The following ARL5A variants were observed in gnomAD, a reference collection of about 807,000 sequenced individuals.
ARL5A encodes the protein ARF like GTPase 5A, also known as ADP-ribosylation factor-like protein 5A.
ARL5A carries 18 observed loss-of-function variants against 25.9 expected under a neutral mutation model. That is an observed-to-expected ratio of 0.69 (90% confidence interval 0.48 to 1.03). The LOEUF (loss-of-function observed/expected upper bound fraction) is 1.03, where lower values mean the gene tolerates loss of function less well. Ranked by LOEUF, ARL5A falls within the 50% of genes least tolerant of loss-of-function variation. The pLI is 0.00. For missense variants in ARL5A, 170 were observed against 211.9 expected, an observed-to-expected ratio of 0.80 and a Z score of 1.23; for synonymous variants, 61 against 67.5, an observed-to-expected ratio of 0.90 and a Z score of 0.47.
Position 151,828,191 on chromosome 2 carries a change from C to CT in ARL5A, c.-16_-15insA. On this transcript the variant is annotated 5_prime_UTR_variant, in exon 1 of 6. Transcript: ENST00000295087. ...AGAATTCCCATTCTCGGGCAGCGGA[C>CT]CCCCCCCCTCCAGACACCCGGGCCG... 7.3e-7 allele frequency: 1 copy of CT among 1,370,582 alleles called. No homozygotes were observed. The highest frequency in any genetic ancestry group is 1.2e-5 in the South Asian group (1 of 80,036). The allele number at this position is 1,370,582 out of a possible 1,614,324, so 84.9% of individuals were successfully genotyped here.
rs1180438508 is a variant in ARL5A at position 151,799,307 on chromosome 2, T to G, written c.*3969A>C. The G allele has an allele frequency of 6.6e-6, 1 of 152,206 alleles. No homozygotes were observed. Among genetic ancestry groups the G allele is most frequent in the Non-Finnish European group, 1.5e-5 (1 of 68,038 alleles). 9.4% of individuals were successfully genotyped at this position (152,206 alleles called of 1,614,324 possible). On this transcript the variant is annotated 3_prime_UTR_variant, in exon 6 of 6. Transcript: ENST00000295087. ...TTTTTAAGGATAGGCTTTTCATTAC[T>G]AACTCCTTTAGACATCTAATGTTTA... is the stretch of plus-strand genomic sequence containing the variant.
chr2:151,828,085 G>A, intron 1 of ARL5A, 46 bp downstream of exon 1: 6 of 1,593,628 alleles, frequency 3.8e-6, no homozygotes, highest in Non-Finnish European at 5.1e-6. Context: ...GCCGGCCCGA[G>A]CTGACCCTCT....
Position 151,800,454 on chromosome 2 carries a change from A to C in ARL5A, c.*2822T>G, listed in dbSNP as rs960196386. Reference sequence around the variant, plus strand: ...ACTCTTCTTCCCTCTATTTCATCCCATGCTTCTAAAGTCACTTTCACTGCC... The same window carrying C: ...ACTCTTCTTCCCTCTATTTCATCCCCTGCTTCTAAAGTCACTTTCACTGCC... On this transcript the variant is annotated 3_prime_UTR_variant, in exon 6 of 6. Coordinates refer to ENST00000295087, the MANE Select transcript of ARL5A (RefSeq NM_012097.4). 1 of 152,212 alleles carries C rather than the reference A, an allele frequency of 6.6e-6. No homozygotes were observed. The highest frequency in any genetic ancestry group is 2.4e-5 in the African/African-American group (1 of 41,452). 9.4% of individuals were successfully genotyped at this position (152,212 alleles called of 1,614,324 possible).
intron 3 of ARL5A, among the ~76,000 whole-genome samples, chr2:151,812,881 A>T (rs1172020011): frequency 2.6e-5 from 4 of 151,758 alleles, no homozygotes; most frequent in African/African-American, 9.7e-5. Context: ...GAAATCAATT[A>T]AAAAAAAATT....
intron 4 of ARL5A, among the ~76,000 whole-genome samples, chr2:151,808,989 A>T (rs1282572354): frequency 6.6e-6 from 1 of 152,216 alleles, no homozygotes; most frequent in Non-Finnish European, 1.5e-5. Context: ...TGGAGGTTGC[A>T]GCGAGCAAAG....
intron 1 of ARL5A, chr2:151,827,534 TAAAAC>T (rs1271779680): frequency 6.6e-6 from 1 of 152,020 alleles, no homozygotes; most frequent in Non-Finnish European, 1.5e-5. Context: ...ATATAATAAG[TAAAAC>T]AAATGGAGAG....
At chr2:151,825,616 G>A (rs1477331174) in intron 1 of ARL5A, among the ~76,000 whole-genome samples, 1 of 152,162 alleles carries the variant, frequency 6.6e-6, no homozygotes, top group African/African-American at 2.4e-5. Flanking sequence ...CACTCAATCT[G>A]AGCTTTAACT....
intron 4 of ARL5A, among the ~76,000 whole-genome samples, chr2:151,808,169 C>T (rs865943055): frequency 6.6e-6 from 1 of 152,262 alleles, no homozygotes; most frequent in Admixed American, 6.5e-5. Flanking sequence ...GAAGGATGTA[C>T]TCAATTAGCA....
intron 1 of ARL5A, among the ~76,000 whole-genome samples, chr2:151,825,847 G>A (rs1317828930): frequency 5.9e-5 from 9 of 151,324 alleles, no homozygotes; most frequent in Admixed American, 3.9e-4. Context: ...CAACCCTGCT[G>A]GGCACCATGG....
Position 151,803,121 on chromosome 2 carries a change from T to A in ARL5A, c.*155A>T. On this transcript the variant is annotated 3_prime_UTR_variant, in exon 6 of 6. Coordinates refer to ENST00000295087, the MANE Select transcript of ARL5A (RefSeq NM_012097.4). Reference sequence around the variant, plus strand: ...AAGCAAACTGGAAGGTGAGACTTCATCTTTGTTTTCAAATAAGTGGTCTTA... The same window carrying A: ...AAGCAAACTGGAAGGTGAGACTTCAACTTTGTTTTCAAATAAGTGGTCTTA... The A allele has an allele frequency of 1.8e-6, 1 of 562,072 alleles. No homozygotes were observed. The highest frequency in any genetic ancestry group is 3.2e-6 in the Non-Finnish European group (1 of 317,238). 34.8% of individuals were successfully genotyped at this position (562,072 alleles called of 1,614,324 possible).
intron 1 of ARL5A, among the ~76,000 whole-genome samples, chr2:151,823,665 G>A (rs977143843): frequency 2.6e-5 from 4 of 152,186 alleles, no homozygotes; most frequent in African/African-American, 9.6e-5. Flanking sequence ...TGCAGATCTC[G>A]TTGGAGGGCA....
chr2:151,820,991 A>G (rs2151296761), intron 1 of ARL5A, among the ~76,000 whole-genome samples: 1 of 152,338 alleles, frequency 6.6e-6, no homozygotes, highest in African/African-American at 2.4e-5. Context: ...AAATCCAGGT[A>G]AGATCATTAG....
chr2:151,806,813 T>C lies in ARL5A; in HGVS notation c.491+8A>G, dbSNP rs2151292119. The C allele has an allele frequency of 6.3e-7, 1 of 1,592,246 alleles. No homozygotes were observed. On this transcript the variant is annotated splice_region_variant and intron_variant, in intron 5 of 5. Coordinates refer to ENST00000295087, the MANE Select transcript of ARL5A (RefSeq NM_012097.4). ...TGTTCGATAACATTTAAGAGGAAGA[T>C]GTCTTACCCCTCGCCAGTTAGAGCA... is the stretch of plus-strand genomic sequence containing the variant.
chr2:151,811,447 A>G (rs1171765349), intron 4 of ARL5A, among the ~76,000 whole-genome samples: 1 of 152,120 alleles, frequency 6.6e-6, no homozygotes, highest in Non-Finnish European at 1.5e-5. Flanking sequence ...TAAATACTAT[A>G]TAAACAGTAT....
intron 5 of ARL5A, 53 bp downstream of exon 5, chr2:151,806,768 A>G (rs112342081): frequency 1.9e-6 from 3 of 1,543,838 alleles, no homozygotes; most frequent in South Asian, 2.5e-5. Context: ...GAAGATATAC[A>G]TGTTACTAAG....
intron 1 of ARL5A, among the ~76,000 whole-genome samples, chr2:151,818,776 A>G (rs2099831865): frequency 1.3e-5 from 2 of 152,192 alleles, no homozygotes; most frequent in Non-Finnish European, 2.9e-5. Context: ...GCACTCATAA[A>G]CATTTTTAAC....
At chr2:151,812,331 C>G (rs745773568) in intron 4 of ARL5A, 26 bp downstream of exon 4, 4 of 1,478,032 alleles carry the variant, frequency 2.7e-6, no homozygotes, top group Admixed American at 2.0e-5. Flanking sequence ...TTCCCCATAT[C>G]TAATGTAAAA....
intron 5 of ARL5A, among the ~76,000 whole-genome samples, chr2:151,804,550 A>C (rs2099829844): frequency 6.6e-6 from 1 of 152,218 alleles, no homozygotes; most frequent in Admixed American, 6.5e-5. Context: ...GTTGTCCCAT[A>C]CTTTTCTCCT....
At chr2:151,822,360 G>T (rs538826584) in intron 1 of ARL5A, among the ~76,000 whole-genome samples, 1 of 152,082 alleles carries the variant, frequency 6.6e-6, no homozygotes, top group Non-Finnish European at 1.5e-5. Context: ...ATAGCATGTG[G>T]GTCACAATGA....
Sources: gnomAD v4.1 joint callset for allele counts (sites outside exome capture counted in the v4.1 genomes callset) on GRCh38, gnomAD v4.1.1 for gene constraint, MANE v1.5 for transcripts, NCBI Gene and HGNC (gene_info 2026-07-23, HGNC 2026-07-21) for gene names.